The following CFAP20DC variants were observed in gnomAD, a reference collection of about 807,000 sequenced individuals.
CFAP20DC encodes the protein CFAP20 domain containing, also known as protein CFAP20DC.
Under a neutral mutation model 101.7 loss-of-function variants are expected in CFAP20DC, and 84 were observed. The ratio of observed to expected loss-of-function variants is 0.83; its 90% CI spans 0.69 to 0.99. CFAP20DC has a LOEUF of 0.99. CFAP20DC is among the 50% of genes least tolerant of loss of function. The pLI, the probability that CFAP20DC is intolerant of heterozygous loss-of-function variation, is 0.00. For synonymous variants in CFAP20DC, 359 were observed against 351.2 expected (o/e 1.02, Z -0.25); for missense variants, 1,007 against 970.3 (o/e 1.04, Z -0.50).
intron 6 of CFAP20DC, among the ~76,000 whole-genome samples, chr3:58,911,066 A>T (rs1460190761): frequency 1.3e-5 from 2 of 152,150 alleles, no homozygotes; most frequent in Non-Finnish European, 2.9e-5. Context: ...AACTATAAAA[A>T]AGAACCAAAT....
intron 7 of CFAP20DC, among the ~76,000 whole-genome samples, chr3:58,876,395 TAAAAG>T (rs2080757974): frequency 6.6e-6 from 1 of 151,934 alleles, no homozygotes; most frequent in African/African-American, 2.4e-5. Context: ...AAAATCTTAA[TAAAAG>T]AAAACTACAA....
intron 4 of CFAP20DC, among the ~76,000 whole-genome samples, chr3:58,980,247 AC>A (rs1381563446): frequency 6.6e-6 from 1 of 152,082 alleles, no homozygotes; most frequent in Non-Finnish European, 1.5e-5. Context: ...AGATAAAGTT[AC>A]CTTAAAAGTT....
At chr3:58,813,500 T>G (rs1247655682) in intron 14 of CFAP20DC, among the ~76,000 whole-genome samples, 4 of 151,952 alleles carry the variant, frequency 2.6e-5, no homozygotes, top group Non-Finnish European at 5.9e-5. Flanking sequence ...GGGTTGGTGT[T>G]AAGGGTTTCT....
rs1194745917 is a variant in CFAP20DC, at chr3:58,849,178, C to T, written c.1825G>A (p.Gly609Arg). Residue 609 changes from glycine (G) to arginine (R), a missense_variant, in exon 13 of 17, where the codon GGA becomes AGA. Coordinates refer to ENST00000482387, the MANE Select transcript of CFAP20DC (RefSeq NM_001394063.1). The part of the protein sequence containing the change: ...LLPTTCLSPT[G>R]RRCGSCQKTP... ...TTCTGACAGGACCCACACCTTCTTC[C>T]AGTTGGAGAAAGGCATGTTGTAGGC... is the stretch of plus-strand genomic sequence containing the variant. The T allele has an allele frequency of 2.6e-6, 4 of 1,535,958 alleles. No individual in the cohort carries two copies. The highest frequency in any genetic ancestry group is 2.7e-5 in the African/African-American group (2 of 73,022).
intron 15 of CFAP20DC, among the ~76,000 whole-genome samples, chr3:58,785,667 G>C (rs1242739859): frequency 6.6e-6 from 1 of 152,230 alleles, no homozygotes; most frequent in Admixed American, 6.5e-5. Flanking sequence ...AGATGTAGGG[G>C]AAGTAACTGC....
intron 12 of CFAP20DC, among the ~76,000 whole-genome samples, chr3:58,853,012 C>CA (rs1279046816): frequency 6.6e-6 from 1 of 152,054 alleles, no homozygotes; most frequent in Non-Finnish European, 1.5e-5. Context: ...AATAGAAACA[C>CA]AAAAAACCCT....
chr3:58,870,133 T>G lies in CFAP20DC; in HGVS notation c.852+40A>C, dbSNP rs760746360. The G allele has an allele frequency of 4.7e-6, 7 of 1,488,920 alleles. No homozygotes were observed. In the Admixed American group the frequency reaches 1.2e-4, roughly 26 times the overall value. 92.2% of individuals were successfully genotyped at this position (1,488,920 alleles called of 1,614,324 possible). On this transcript the variant is annotated intron_variant, in intron 8 of 16. Coordinates refer to ENST00000482387, the MANE Select transcript of CFAP20DC (RefSeq NM_001394063.1). ...GGGAAGACACTCTTCCCTTACCAGG[T>G]CACTTGTGCTTAGATAAGCTCTCCA... is the stretch of plus-strand genomic sequence containing the variant.
chr3:58,974,051 A>G (rs2092120655), intron 4 of CFAP20DC, among the ~76,000 whole-genome samples: 1 of 152,136 alleles, frequency 6.6e-6, no homozygotes, highest in South Asian at 2.1e-4. Context: ...GCTACCTCCC[A>G]GGACACAGAG....
At chr3:58,798,551 T>C (rs2073427220) in intron 15 of CFAP20DC, among the ~76,000 whole-genome samples, 1 of 152,224 alleles carries the variant, frequency 6.6e-6, no homozygotes, top group African/African-American at 2.4e-5. Flanking sequence ...GACAACAAAG[T>C]ATTTGAAATA....
In CFAP20DC at chr3:58,922,020, T is replaced by C. The variant is rs368728346; in HGVS notation, c.394-8156A>G. On this transcript the variant is annotated intron_variant, in intron 5 of 16. Coordinates refer to ENST00000482387, the MANE Select transcript of CFAP20DC (RefSeq NM_001394063.1). ...CTATTAGTATACGTACTCTAGCTTT[T>C]TTATGATTAGTATTTGCATGGTATA... Among the ~76,000 whole-genome samples, 11 of 152,334 alleles carry C rather than the reference T, an allele frequency of 7.2e-5. No individual in the cohort carries two copies. The East Asian group carries it at 1.9e-3, about 27-fold the overall frequency.
chr3:59,041,565 ACTCT>A (rs1370425664), intron 3 of CFAP20DC, among the ~76,000 whole-genome samples: 5 of 152,000 alleles, frequency 3.3e-5, no homozygotes, highest in Non-Finnish European at 5.9e-5. Flanking sequence ...ATTTAAAATC[ACTCT>A]CTCTAAGTAA....
rs1055726158 is a variant in CFAP20DC, at chr3:59,007,763, G to A, written c.278+31794C>T. Among the ~76,000 whole-genome samples, 1 of 152,192 alleles carries A rather than the reference G, an allele frequency of 6.6e-6. No homozygotes were observed. The highest frequency in any genetic ancestry group is 1.5e-5 in the Non-Finnish European group (1 of 68,028). On this transcript the variant is annotated intron_variant, in intron 4 of 16. Coordinates refer to ENST00000482387, the MANE Select transcript of CFAP20DC (RefSeq NM_001394063.1). The surrounding 1 kb of genome is among the most constrained non-coding windows in gnomAD (Gnocchi z 4.4). ...CTGGGTGGCTAGACCCAGAAGGGCA[G>A]TAACAATCACTGAAGTACAGCTCTC...
Position 58,971,894 on chromosome 3 carries a change from A to C in CFAP20DC, c.279-34132T>G, listed in dbSNP as rs534606864. ...ACACACACACACACACACACACACA[A>C]TTAAGCTCTAGAGGTACTCCCAAAA... On this transcript the variant is annotated intron_variant, in intron 4 of 16. Coordinates refer to ENST00000482387, the MANE Select transcript of CFAP20DC (RefSeq NM_001394063.1). The surrounding 1 kb of genome is among the most constrained non-coding windows in gnomAD (Gnocchi z 4.1). Among the ~76,000 whole-genome samples the C allele has an allele frequency of 7.0e-6, 1 of 141,896 alleles. No individual in the cohort carries two copies. Among genetic ancestry groups the C allele is most frequent in the African/African-American group, 2.8e-5 (1 of 35,096 alleles). 93.1% of individuals were successfully genotyped at this position (141,896 alleles called of 152,430 possible).
chr3:58,863,714 A>G lies in CFAP20DC; in HGVS notation c.1437T>C (p.Thr479=). 1 of 1,614,176 alleles carries G rather than the reference A, an allele frequency of 6.2e-7. No homozygotes were observed. Among genetic ancestry groups the G allele is most frequent in the South Asian group, 1.1e-5 (1 of 91,080 alleles). ...ESQSVPKDIF[T]FSSRPRSAPH... ...GTGCTGATCGTGGTCTTGATGAAAA[A>G]GTGAAAATGTCCTTTGGAACACTCT... is the stretch of plus-strand genomic sequence containing the variant. Residue 479 remains threonine (T), a synonymous_variant, in exon 12 of 17, where the codon ACT becomes ACC. Coordinates refer to ENST00000482387, the MANE Select transcript of CFAP20DC (RefSeq NM_001394063.1). This position sits in a 1 kb window ranked among gnomAD's most constrained non-coding sequence, Gnocchi z 5.9.
chr3:59,046,170 C>T (rs1293583199), intron 3 of CFAP20DC, 59 bp downstream of exon 3: 2 of 1,161,684 alleles, frequency 1.7e-6, no homozygotes, highest in African/African-American at 3.1e-5. Context: ...GTTTATGAGA[C>T]ATAAAAGCAG....
At chr3:58,969,938 G>C (rs2091852882) in intron 4 of CFAP20DC, among the ~76,000 whole-genome samples, 1 of 152,240 alleles carries the variant, frequency 6.6e-6, no homozygotes, top group South Asian at 2.1e-4. Context: ...AAATTACATA[G>C]TGGTGGTGGT....
At chr3:58,773,366 T>C (rs530840202) in intron 15 of CFAP20DC, among the ~76,000 whole-genome samples, 2 of 141,702 alleles carry the variant, frequency 1.4e-5, no homozygotes, top group South Asian at 4.5e-4. Flanking sequence ...GCATGGGCAA[T>C]ATAGTGAGAC....
At chr3:59,008,640 C>T (rs551117311) in intron 4 of CFAP20DC, among the ~76,000 whole-genome samples, 1 of 151,568 alleles carries the variant, frequency 6.6e-6, no homozygotes, top group South Asian at 2.1e-4. Flanking sequence ...TGTTCTCACT[C>T]ATAGGTGGGA....
intron 4 of CFAP20DC, among the ~76,000 whole-genome samples, chr3:58,966,960 A>T (rs2091595612): frequency 6.6e-6 from 1 of 152,232 alleles, no homozygotes; most frequent in Admixed American, 6.5e-5. Context: ...AATGATCTAC[A>T]GATTTAATCT....
Sources: allele counts gnomAD v4.1 joint callset (sites outside exome capture counted in the v4.1 genomes callset), GRCh38; gene constraint gnomAD v4.1.1; non-coding constraint Gnocchi (gnomAD v3.1); transcripts MANE v1.5; gene names NCBI Gene and HGNC (gene_info 2026-07-23, HGNC 2026-07-21).